Variants in AGBL1 observed in about 807,000 individuals in gnomAD.
The protein encoded by AGBL1 is cytosolic carboxypeptidase 4.
AGBL1 carries 130 observed loss-of-function variants against 118.9 expected under a neutral mutation model. That is an observed-to-expected ratio of 1.09 (90% CI 0.95 to 1.26). The LOEUF (loss-of-function observed/expected upper bound fraction) is 1.26, where lower values mean the gene tolerates loss of function less well. Ranked by LOEUF, AGBL1 falls within the 50% of genes most tolerant of loss-of-function variation. The pLI, the probability that AGBL1 is intolerant of heterozygous loss-of-function variation, is 0.00. For missense variants in AGBL1, 1,584 were observed against 1,298.1 expected, an observed-to-expected ratio of 1.22 and a Z score of -3.38; for synonymous variants, 555 against 478.9, an observed-to-expected ratio of 1.16 and a Z score of -2.08.
intron 24 of AGBL1, among the ~76,000 whole-genome samples, chr15:87,024,319 T>C (rs1390853633): frequency 6.6e-6 from 1 of 151,666 alleles, no homozygotes. Context: ...ACCACAGAAA[T>C]AAAAAAGATC....
At chr15:86,815,577 A>G in intron 22 of AGBL1, among the ~76,000 whole-genome samples, 1 of 152,216 alleles carries the variant, frequency 6.6e-6, no homozygotes, top group South Asian at 2.1e-4. Context: ...TTATTGAAGT[A>G]GCACACTGCA....
At chr15:86,510,091 C>T (rs755567837) in intron 18 of AGBL1, among the ~76,000 whole-genome samples, 3 of 152,024 alleles carry the variant, frequency 2.0e-5, no homozygotes, top group Non-Finnish European at 4.4e-5. Context: ...GTCAGCATTG[C>T]TTTCAGGGAA....
At position 86,095,616 on chromosome 15, in the gene AGBL1, C is replaced by T. The variant is rs1450712823; in HGVS notation, c.51+15593C>T. Reference sequence around the variant, plus strand: ...ATGAAGACCAAATATATATTTTTTACCATATCATAATGTCACATGACCTTG... The same window carrying T: ...ATGAAGACCAAATATATATTTTTTATCATATCATAATGTCACATGACCTTG... On this transcript the variant is annotated intron_variant, in intron 1 of 22. Transcript: ENST00000614907. Among the ~76,000 whole-genome samples, 4 of 143,946 alleles carry T rather than the reference C, an allele frequency of 2.8e-5. No individual in the cohort carries two copies. The East Asian group carries it at 8.5e-4, about 30-fold the overall frequency. The allele number at this position is 143,946 out of a possible 152,430, so 94.4% of individuals were successfully genotyped here.
chr15:87,024,497 A>G (rs570790425), intron 24 of AGBL1, among the ~76,000 whole-genome samples: 22 of 152,058 alleles, frequency 1.4e-4, no homozygotes, highest in South Asian at 4.1e-4. Flanking sequence ...AAAATTACCA[A>G]TGAAACAAGT....
chr15:87,002,945 C>G (rs1412329198), intron 24 of AGBL1, among the ~76,000 whole-genome samples: 7 of 152,160 alleles, frequency 4.6e-5, no homozygotes, highest in East Asian at 1.9e-4. Context: ...TTGACTTCCT[C>G]TTTTCCTAAT....
At chr15:86,453,147 T>C (rs1421989616) in intron 18 of AGBL1, among the ~76,000 whole-genome samples, 2 of 152,206 alleles carry the variant, frequency 1.3e-5, no homozygotes, top group African/African-American at 2.4e-5. Flanking sequence ...ATCCTCAGCT[T>C]CTAGAATATG....
intron 23 of AGBL1, among the ~76,000 whole-genome samples, chr15:86,980,551 A>G (rs139725910): frequency 3.1e-4 from 47 of 152,266 alleles, no homozygotes; most frequent in African/African-American, 1.1e-3. Flanking sequence ...CCTCTAAGAA[A>G]ATCGTAAACT....
chr15:86,968,801 C>T (rs1383313044), intron 23 of AGBL1, among the ~76,000 whole-genome samples: 3 of 151,858 alleles, frequency 2.0e-5, no homozygotes, highest in Non-Finnish European at 4.4e-5. Flanking sequence ...AGTCCACAAT[C>T]AGGATACCAG....
intron 22 of AGBL1, among the ~76,000 whole-genome samples, chr15:86,734,616 C>G (rs2077567915): frequency 6.6e-6 from 1 of 152,154 alleles, no homozygotes; most frequent in African/African-American, 2.4e-5. Context: ...AGCCGGCCAA[C>G]TCCTATGCTG....
chr15:87,004,107 C>G (rs2081471135), intron 24 of AGBL1, among the ~76,000 whole-genome samples: 1 of 152,140 alleles, frequency 6.6e-6, no homozygotes. Flanking sequence ...GCATTTAGTG[C>G]CATAAATTTC....
rs1022791921 is a variant in AGBL1 at position 86,154,314 on chromosome 15, G to A, written c.263-116G>A. On this transcript the variant is annotated intron_variant, in intron 3 of 22. Coordinates refer to ENST00000614907, the MANE Select transcript of AGBL1 (RefSeq NM_001386094.1). ...GCATTTGTCACTAGGTCTGAAAAAT[G>A]TCTTTGGCTATGATTATCCTCCTCC... is the stretch of plus-strand genomic sequence containing the variant. The A allele has an allele frequency of 1.6e-5, 19 of 1,203,880 alleles. No homozygotes were observed. In the African/African-American group the frequency reaches 1.8e-4, roughly 12 times the overall value. The allele number at this position is 1,203,880 out of a possible 1,614,324, so 74.6% of individuals were successfully genotyped here. A position where few individuals can be genotyped will look rare whatever the true frequency, so the allele number is the denominator to read the frequency against.
At chr15:86,516,795 A>G (rs1003009207) in intron 18 of AGBL1, among the ~76,000 whole-genome samples, 2 of 41,004 alleles carry the variant, frequency 4.9e-5, no homozygotes, top group Non-Finnish European at 1.3e-4. Flanking sequence ...CTCCATCTCA[A>G]AAAAAAAAAA....
At chr15:87,022,729 TAAAG>T (rs2081678764) in intron 24 of AGBL1, among the ~76,000 whole-genome samples, 1 of 151,938 alleles carries the variant, frequency 6.6e-6, no homozygotes, top group African/African-American at 2.4e-5. Context: ...CCTATTAAAA[TAAAG>T]AAACCTATCA....
intron 1 of AGBL1, among the ~76,000 whole-genome samples, chr15:86,099,045 C>T (rs145230387): frequency 2.6e-4 from 40 of 152,086 alleles, no homozygotes; most frequent in Middle Eastern, 3.4e-3. Flanking sequence ...AGCCTTGATA[C>T]GCAACATATC....
intron 6 of AGBL1, among the ~76,000 whole-genome samples, chr15:86,240,634 T>C (rs545194765): frequency 6.6e-6 from 1 of 152,188 alleles, no homozygotes; most frequent in East Asian, 1.9e-4. Flanking sequence ...AAGAGTTCAA[T>C]CCCCCCAGTT....
chr15:86,633,825 T>A (rs796483556), intron 21 of AGBL1, among the ~76,000 whole-genome samples: 1 of 11,354 alleles, frequency 8.8e-5, no homozygotes, highest in Non-Finnish European at 1.7e-4. Context: ...TATGTATATA[T>A]ATATAATGTA....
At chr15:86,150,922 A>G (rs933686485) in intron 3 of AGBL1, among the ~76,000 whole-genome samples, 5 of 152,116 alleles carry the variant, frequency 3.3e-5, no homozygotes, top group Admixed American at 2.6e-4. Context: ...TCTCAATGAT[A>G]GACTGGATTA....
chr15:86,729,592 T>G (rs570140365), intron 22 of AGBL1, among the ~76,000 whole-genome samples: 1 of 152,356 alleles, frequency 6.6e-6, no homozygotes, highest in South Asian at 2.1e-4. Flanking sequence ...TCCATATTGC[T>G]GCAGTGGACA....
At chr15:86,790,168 C>A (rs2078470928) in intron 22 of AGBL1, among the ~76,000 whole-genome samples, 1 of 152,060 alleles carries the variant, frequency 6.6e-6, no homozygotes, top group Non-Finnish European at 1.5e-5. Flanking sequence ...ACAAAGCCCA[C>A]AGAAAGAAAC....
Sources: allele counts gnomAD v4.1 joint callset (sites outside exome capture counted in the v4.1 genomes callset), GRCh38; gene constraint gnomAD v4.1.1; transcripts MANE v1.5; gene names NCBI Gene and HGNC (gene_info 2026-07-23, HGNC 2026-07-21).